Variants in RFX2 observed in about 807,000 individuals in gnomAD.
The protein encoded by RFX2 is regulatory factor X2.
Under a neutral mutation model 87.8 loss-of-function variants are expected in RFX2, and 20 were observed. The observed-to-expected ratio is 0.23, with a 90% confidence interval of 0.16 to 0.33. The LOEUF (loss-of-function observed/expected upper bound fraction) is 0.33. Ranked by LOEUF, RFX2 falls within the 10% of genes least tolerant of loss-of-function variation. The probability of loss-of-function intolerance (pLI) is 1.00; values close to 1 mark genes in which losing one functional copy is unlikely to be tolerated. For missense variants in RFX2, 767 were observed against 1,012.3 expected (o/e 0.76, Z 3.29); for synonymous variants, 397 against 431.3 (o/e 0.92, Z 0.98).
rs12974931 is a variant in RFX2 at position 5,998,075 on chromosome 19, G to A, written c.1860-862C>T. ...GTAATCCCAGCACTTTGGGAGGCCA[G>A]GGCGGGCAGATCACTTGGGGTCAGG... On this transcript the variant is annotated intron_variant, in intron 15 of 17. Transcript: ENST00000303657. This position sits in a 1 kb window ranked among gnomAD's most constrained non-coding sequence, Gnocchi z 4.2. Among the ~76,000 whole-genome samples the A allele has an allele frequency of 0.25, 37,512 of 151,986 alleles. 5,451 individuals are homozygous for A. The highest frequency in any genetic ancestry group is 0.38 in the Middle Eastern group (110 of 292).
intron 1 of RFX2, among the ~76,000 whole-genome samples, chr19:6,052,611 A>AAT (rs2087281255): frequency 6.6e-6 from 1 of 152,226 alleles, no homozygotes; most frequent in Non-Finnish European, 1.5e-5. Flanking sequence ...ATGCACATGG[A>AAT]ATATTCACTG....
chr19:6,070,843 G>T (rs2087596826), intron 1 of RFX2, among the ~76,000 whole-genome samples: 1 of 152,166 alleles, frequency 6.6e-6, no homozygotes, highest in African/African-American at 2.4e-5. Flanking sequence ...ATGTAGCTAG[G>T]ACTACAGGTG....
At chr19:6,029,064 G>A (rs965845303) in intron 5 of RFX2, among the ~76,000 whole-genome samples, 2 of 146,202 alleles carry the variant, frequency 1.4e-5, no homozygotes, top group African/African-American at 5.2e-5. Flanking sequence ...GGCCAACAGA[G>A]TGAGACTGTC....
chr19:6,081,557 T>C (rs1365859168), intron 1 of RFX2, among the ~76,000 whole-genome samples: 1 of 152,260 alleles, frequency 6.6e-6, no homozygotes, highest in Non-Finnish European at 1.5e-5. Flanking sequence ...AACATTAGCA[T>C]GCTTATTAAT....
Position 6,023,759 on chromosome 19 carries a change from C to T in RFX2, c.597+2404G>A. Among the ~76,000 whole-genome samples the T allele has an allele frequency of 6.6e-6, 1 of 151,980 alleles. No individual in the cohort carries two copies. The highest frequency in any genetic ancestry group is 1.5e-5 in the Non-Finnish European group (1 of 67,976). On this transcript the variant is annotated intron_variant, in intron 6 of 17. Transcript: ENST00000303657. The surrounding 1 kb of genome is among the most constrained non-coding windows in gnomAD (Gnocchi z 4.9). The stretch of plus-strand genomic sequence containing the variant: ...TCCCAGCAGCCAGAGACAAGCGGCT[C>T]ATGCATTTTCCCATAGACATTTTTT...
In RFX2 at chr19:6,002,832, G is replaced by A. The variant is rs1014348437; in HGVS notation, c.1539C>T (p.Arg513=). The change falls in exon 14 of 18, where the codon CGC becomes CGT. Residue 513 remains arginine, a synonymous_variant. Coordinates refer to ENST00000303657, the MANE Select transcript of RFX2 (RefSeq NM_000635.4). The surrounding 1 kb of genome is among the most constrained non-coding windows in gnomAD (Gnocchi z 6.7). Reference sequence around the variant, plus strand: ...GCGCCAGGTGGTTGAGGGACGTGTAGCGCCGCAGCGTCTGGGCGAAGGCAC... The same window carrying A: ...GCGCCAGGTGGTTGAGGGACGTGTAACGCCGCAGCGTCTGGGCGAAGGCAC... ...VVSAFAQTLR[R]YTSLNHLAQA... is the part of the protein sequence containing the mutation. 5.0e-6 allele frequency: 8 copies of A among 1,612,554 alleles called. No individual in the cohort carries two copies. Among genetic ancestry groups the A allele is most frequent in the Non-Finnish European group, 6.8e-6 (8 of 1,179,744 alleles).
chr19:6,068,269 T>A (rs2087542154), intron 1 of RFX2: 1 of 152,156 alleles, frequency 6.6e-6, no homozygotes, highest in Non-Finnish European at 1.5e-5. Context: ...GTAACAGAGA[T>A]CCTGTGTCAT....
chr19:6,077,188 T>C (rs1476935486), intron 1 of RFX2: 3 of 152,228 alleles, frequency 2.0e-5, no homozygotes, highest in Non-Finnish European at 4.4e-5. Context: ...CAAGCTTCCT[T>C]AAATCTCTTT....
chr19:6,051,972 G>C (rs895808490), intron 1 of RFX2, among the ~76,000 whole-genome samples: 25 of 152,266 alleles, frequency 1.6e-4, no homozygotes, highest in African/African-American at 5.3e-4. Context: ...CCACCTCCCA[G>C]GTTCACGCCA....
chr19:6,054,605 G>T (rs1257465517), intron 1 of RFX2, among the ~76,000 whole-genome samples: 2 of 152,048 alleles, frequency 1.3e-5, no homozygotes, highest in African/African-American at 4.8e-5. Context: ...TTTCACAAAG[G>T]TGTCAAGGCA....
intron 5 of RFX2, among the ~76,000 whole-genome samples, chr19:6,033,624 A>AAAAAAAAAAAAAAAAC (rs2086978973): frequency 6.6e-6 from 1 of 151,754 alleles, no homozygotes; most frequent in African/African-American, 2.4e-5. Context: ...GCAAAAAAAA[A>AAAAAAAAAAAAAAAAC]AAAAAAAAAA....
intron 1 of RFX2, among the ~76,000 whole-genome samples, chr19:6,103,152 T>G (rs1333946773): frequency 6.6e-6 from 1 of 152,226 alleles, no homozygotes. Flanking sequence ...TTCTACATAT[T>G]TTTAATGGCT....
intron 1 of RFX2, among the ~76,000 whole-genome samples, chr19:6,054,977 C>T (rs1318003140): frequency 1.3e-5 from 2 of 152,082 alleles, no homozygotes; most frequent in Admixed American, 1.3e-4. Flanking sequence ...GGCTTTGATC[C>T]TAATATATCT....
At chr19:6,015,781 G>A (rs2086718402) in intron 7 of RFX2, among the ~76,000 whole-genome samples, 2 of 152,130 alleles carry the variant, frequency 1.3e-5, no homozygotes, top group Non-Finnish European at 2.9e-5. Flanking sequence ...GATTTCAGGT[G>A]TGCACCACCA....
chr19:6,092,983 CGAGGAGGT>C (rs1196895538), intron 1 of RFX2, among the ~76,000 whole-genome samples: 2 of 151,908 alleles, frequency 1.3e-5, no homozygotes, highest in Non-Finnish European at 2.9e-5. Context: ...GTCGGGGAGG[CGAGGAGGT>C]GGCCCCGGTC....
chr19:5,995,684 C>T (rs765359795), intron 16 of RFX2, 41 bp from the exon 17 acceptor site: 11 of 1,543,604 alleles, frequency 7.1e-6, no homozygotes, highest in South Asian at 3.6e-5. Context: ...TGCAGAGGGG[C>T]GGCAGTTGCT....
Position 6,063,192 on chromosome 19 carries a change from G to A in RFX2, c.-8-15688C>T, listed in dbSNP as rs509079. 6.6e-6 allele frequency among the ~76,000 whole-genome samples: 1 copy of A among 152,162 alleles called. No individual in the cohort carries two copies. The highest frequency in any genetic ancestry group is 2.4e-5 in the African/African-American group (1 of 41,410). Reference sequence around the variant, plus strand: ...GCCGGGCTTCCTCTGATTCCGGATGGAGTGTTTAAATGAGATGTCCACACA... The same window carrying A: ...GCCGGGCTTCCTCTGATTCCGGATGAAGTGTTTAAATGAGATGTCCACACA... On this transcript the variant is annotated intron_variant, in intron 1 of 17. Coordinates refer to ENST00000303657, the MANE Select transcript of RFX2 (RefSeq NM_000635.4). This position sits in a 1 kb window ranked among gnomAD's most constrained non-coding sequence, Gnocchi z 4.0.
At chr19:6,046,545 C>T (rs536434062) in intron 2 of RFX2, among the ~76,000 whole-genome samples, 22 of 144,158 alleles carry the variant, frequency 1.5e-4, no homozygotes, top group Non-Finnish European at 1.8e-4. Context: ...GGCGACAGAG[C>T]GAGACTCCGT....
chr19:6,071,618 G>A (rs2087607831), intron 1 of RFX2, among the ~76,000 whole-genome samples: 1 of 152,196 alleles, frequency 6.6e-6, no homozygotes, highest in African/African-American at 2.4e-5. Flanking sequence ...CTGTCCCCAT[G>A]AAAGTTTCAA....
Sources: allele counts gnomAD v4.1 joint callset (sites outside exome capture counted in the v4.1 genomes callset), GRCh38; gene constraint gnomAD v4.1.1; non-coding constraint Gnocchi (gnomAD v3.1); transcripts MANE v1.5; gene names NCBI Gene and HGNC (gene_info 2026-07-23, HGNC 2026-07-21).